Variants in CSMD1 observed in about 807,000 individuals in gnomAD.
The protein encoded by CSMD1 is CUB and sushi domain-containing protein 1.
In CSMD1, 213 loss-of-function variants were observed where a neutral mutation model predicts 417.5. The ratio of observed to expected loss-of-function variants is 0.51; its 90% confidence interval spans 0.46 to 0.57. CSMD1 has a LOEUF of 0.57. Among genes scored for constraint, CSMD1 ranks in the 20% least tolerant of loss-of-function variants. The pLI, the probability that CSMD1 is intolerant of heterozygous loss-of-function variation, is 0.00. For synonymous variants in CSMD1, 2,862 were observed against 1,736.8 expected (o/e 1.65, Z -16.11); for missense variants, 6,923 against 4,529.7 (o/e 1.53, Z -15.17).
At chr8:2,958,265 AACTATTT>A (rs1211141330) in intron 62 of CSMD1, among the ~76,000 whole-genome samples, 1 of 152,152 alleles carries the variant, frequency 6.6e-6, no homozygotes, top group Non-Finnish European at 1.5e-5. Context: ...AAACTGTACA[AACTATTT>A]ACTGTTGTCT....
intron 2 of CSMD1, among the ~76,000 whole-genome samples, chr8:4,426,432 T>C (rs536110224): frequency 1.3e-5 from 2 of 148,796 alleles, no homozygotes; most frequent in South Asian, 4.2e-4. Flanking sequence ...CATAAACATA[T>C]ACTATATAGA....
intron 1 of CSMD1, among the ~76,000 whole-genome samples, chr8:4,910,905 G>A (rs1472490207): frequency 6.6e-6 from 1 of 152,134 alleles, no homozygotes; most frequent in Non-Finnish European, 1.5e-5. Context: ...GGACCCAGTG[G>A]GAGGTAATTG....
intron 5 of CSMD1, among the ~76,000 whole-genome samples, chr8:3,969,787 A>C (rs977649788): frequency 6.6e-6 from 1 of 152,208 alleles, no homozygotes; most frequent in African/African-American, 2.4e-5. Flanking sequence ...ACTGAAGAAG[A>C]AATCTAACCT....
At chr8:3,859,481 T>A (rs1013811144) in intron 5 of CSMD1, among the ~76,000 whole-genome samples, 2 of 152,180 alleles carry the variant, frequency 1.3e-5, no homozygotes, top group Non-Finnish European at 2.9e-5. Context: ...GGGAGGAGAA[T>A]CTTTGCCATA....
chr8:3,547,345 G>C (rs571527679), intron 10 of CSMD1, among the ~76,000 whole-genome samples: 2 of 152,288 alleles, frequency 1.3e-5, no homozygotes, highest in East Asian at 1.9e-4. Flanking sequence ...TGTAAAATTT[G>C]TACGGTCGAA....
intron 1 of CSMD1, among the ~76,000 whole-genome samples, chr8:4,686,411 C>G (rs924348125): frequency 6.6e-6 from 1 of 152,224 alleles, no homozygotes; most frequent in Non-Finnish European, 1.5e-5. Context: ...CTGTCACCTG[C>G]CCTTGCTCTT....
chr8:4,387,364 TTTC>T (rs1042508242), intron 3 of CSMD1, among the ~76,000 whole-genome samples: 8 of 152,034 alleles, frequency 5.3e-5, no homozygotes, highest in Non-Finnish European at 7.4e-5. Flanking sequence ...GAAGTGCAAA[TTTC>T]TTCTTATGTG....
At chr8:4,596,579 C>A (rs1800290124) in intron 2 of CSMD1, among the ~76,000 whole-genome samples, 1 of 152,114 alleles carries the variant, frequency 6.6e-6, no homozygotes, top group Non-Finnish European at 1.5e-5. Context: ...ATAATTAAAT[C>A]TCTGAAGTGC....
intron 4 of CSMD1, among the ~76,000 whole-genome samples, chr8:4,002,783 A>G (rs1815792474): frequency 6.6e-6 from 1 of 152,212 alleles, no homozygotes; most frequent in Non-Finnish European, 1.5e-5. Flanking sequence ...GGAAGAACTG[A>G]ATAGAAAGTT....
chr8:4,246,527 C>CT (rs1441504920), intron 3 of CSMD1, among the ~76,000 whole-genome samples: 1 of 152,028 alleles, frequency 6.6e-6, no homozygotes, highest in Non-Finnish European at 1.5e-5. Context: ...GTGAAAATTA[C>CT]TTTTTTTACT....
intron 5 of CSMD1, among the ~76,000 whole-genome samples, chr8:3,830,792 A>G (rs932137040): frequency 2.6e-5 from 4 of 152,196 alleles, no homozygotes; most frequent in African/African-American, 9.7e-5. Flanking sequence ...CACGCCAGTA[A>G]AATGCTAACT....
At chr8:3,792,153 G>A (rs888301942) in intron 5 of CSMD1, among the ~76,000 whole-genome samples, 2 of 152,098 alleles carry the variant, frequency 1.3e-5, no homozygotes, top group East Asian at 1.9e-4. Flanking sequence ...AATTAGCCAG[G>A]TGTCATGGTG....
At chr8:3,423,880 G>C (rs746238926) in intron 12 of CSMD1, among the ~76,000 whole-genome samples, 1 of 152,128 alleles carries the variant, frequency 6.6e-6, no homozygotes, top group Non-Finnish European at 1.5e-5. Context: ...GGCACGAGCT[G>C]CTTGTGTTTA....
intron 1 of CSMD1, among the ~76,000 whole-genome samples, chr8:4,961,948 C>A (rs1809519260): frequency 6.6e-6 from 1 of 151,770 alleles, no homozygotes; most frequent in Non-Finnish European, 1.5e-5. Context: ...TTGTTATTGT[C>A]TGCAGATATT....
chr8:4,721,599 C>G (rs957613565), intron 1 of CSMD1, among the ~76,000 whole-genome samples: 2 of 152,184 alleles, frequency 1.3e-5, no homozygotes, highest in African/African-American at 4.8e-5. Flanking sequence ...CTGCTGTGCA[C>G]TGTTTGTGTG....
At chr8:2,958,121 A>ATT (rs528615494) in intron 62 of CSMD1, among the ~76,000 whole-genome samples, 1 of 151,474 alleles carries the variant, frequency 6.6e-6, no homozygotes, top group South Asian at 2.1e-4. Context: ...TTCCTTTTTC[A>ATT]TTTTTTTCCT....
At chr8:3,419,789 C>T (rs1009781199) in intron 12 of CSMD1, among the ~76,000 whole-genome samples, 1 of 152,154 alleles carries the variant, frequency 6.6e-6, no homozygotes, top group African/African-American at 2.4e-5. Context: ...TTCATCAATA[C>T]AGTTTTGCAT....
chr8:3,157,741 G>A (rs1198920266), intron 39 of CSMD1, among the ~76,000 whole-genome samples, 156 bp downstream of exon 39: 3 of 152,198 alleles, frequency 2.0e-5, no homozygotes, highest in Non-Finnish European at 2.9e-5. Context: ...CAGGTTAAAC[G>A]CATCATTCTG....
chr8:4,787,188 G>C, intron 1 of CSMD1: 1 of 432,920 alleles, frequency 2.3e-6, no homozygotes, highest in Non-Finnish European at 4.3e-6. Flanking sequence ...GGAAAGAGTG[G>C]CGCAGGGTCG....
Sources: allele counts gnomAD v4.1 joint callset (sites outside exome capture counted in the v4.1 genomes callset), GRCh38; gene constraint gnomAD v4.1.1; transcripts MANE v1.5; gene names NCBI Gene and HGNC (gene_info 2026-07-23, HGNC 2026-07-21).